TAS2R1: variants seen among roughly 807,000 people sequenced by gnomAD.
The protein encoded by TAS2R1 is taste 2 receptor member 1.
For synonymous variants in TAS2R1, 141 were observed against 134.2 expected (o/e 1.05, Z -0.35); for missense variants, 370 against 353.4 (o/e 1.05, Z -0.38).
chr5:9,786,681 T>C, the TAS2R1 span, among the ~76,000 whole-genome samples: 3 of 152,334 alleles, frequency 2.0e-5, no homozygotes, highest in South Asian at 2.1e-4. Flanking sequence ...CAGCAGAAGT[T>C]GAGACCCACA....
At chr5:9,856,958 A>G in the TAS2R1 span, among the ~76,000 whole-genome samples, 1 of 152,254 alleles carries the variant, frequency 6.6e-6, no homozygotes, top group Non-Finnish European at 1.5e-5. Context: ...AGCCATAAAA[A>G]GGATAAAATC....
the TAS2R1 span, among the ~76,000 whole-genome samples, chr5:9,886,466 G>A: frequency 6.6e-6 from 1 of 150,766 alleles, no homozygotes; most frequent in African/African-American, 2.4e-5. Flanking sequence ...CTAGTAGCTA[G>A]GATTACAGTT....
chr5:9,801,271 A>G, the TAS2R1 span, among the ~76,000 whole-genome samples: 1 of 152,246 alleles, frequency 6.6e-6, no homozygotes, highest in Non-Finnish European at 1.5e-5. Context: ...CCATTACCAG[A>G]ACCTGAACAT....
the TAS2R1 span, among the ~76,000 whole-genome samples, chr5:9,848,434 T>G: frequency 1.3e-5 from 2 of 152,198 alleles, no homozygotes; most frequent in Admixed American, 6.5e-5. Context: ...GTTTAATGCT[T>G]GTTGTTATAC....
intron 1 of TAS2R1, among the ~76,000 whole-genome samples, chr5:9,666,935 G>A (rs76955408): frequency 0.016 from 2,486 of 152,112 alleles, 68 homozygotes; most frequent in African/African-American, 0.057. Flanking sequence ...ACACAGAAAA[G>A]TAGAGATAGC....
the TAS2R1 span, among the ~76,000 whole-genome samples, chr5:9,820,026 C>T: frequency 6.6e-6 from 1 of 152,098 alleles, no homozygotes; most frequent in South Asian, 2.1e-4. Context: ...CTTTGCCATG[C>T]CTCAACCTCA....
chr5:9,808,050 G>T, the TAS2R1 span, among the ~76,000 whole-genome samples: 2 of 152,168 alleles, frequency 1.3e-5, no homozygotes, highest in African/African-American at 4.8e-5. Context: ...ATTAGGTAGA[G>T]ACTGACAGAG....
the TAS2R1 span, chr5:9,765,546 C>T: frequency 6.6e-6 from 1 of 151,982 alleles, no homozygotes; most frequent in Non-Finnish European, 1.5e-5. Context: ...AATTCAATTG[C>T]TGCTTCTCCA....
At chr5:9,891,223 A>G in the TAS2R1 span, among the ~76,000 whole-genome samples, 37 of 152,192 alleles carry the variant, frequency 2.4e-4, no homozygotes, top group African/African-American at 8.9e-4. Flanking sequence ...CAGACTGAAT[A>G]CAGAAGCAGA....
chr5:9,713,028 C>G (rs1734722430), upstream of TAS2R1: 1 of 152,224 alleles, frequency 6.6e-6, no homozygotes, highest in African/African-American at 2.4e-5. Flanking sequence ...CCCATCCCCC[C>G]AGCAATGCAT....
the TAS2R1 span, among the ~76,000 whole-genome samples, chr5:9,826,487 T>G: frequency 6.6e-6 from 1 of 152,224 alleles, no homozygotes; most frequent in Non-Finnish European, 1.5e-5. Flanking sequence ...TGGTTTCTTA[T>G]TTATTCTTGC....
the TAS2R1 span, among the ~76,000 whole-genome samples, chr5:9,827,113 C>A: frequency 1.3e-5 from 2 of 152,202 alleles, no homozygotes; most frequent in Non-Finnish European, 2.9e-5. Context: ...ACAGACACAA[C>A]ATTTTCAACA....
chr5:9,827,306 T>C, the TAS2R1 span, among the ~76,000 whole-genome samples: 249 of 152,292 alleles, frequency 1.6e-3, no homozygotes, highest in African/African-American at 5.7e-3. Flanking sequence ...ACGACATCGC[T>C]GTACATCCAT....
chr5:9,818,854 C>T, the TAS2R1 span, among the ~76,000 whole-genome samples: 110 of 152,258 alleles, frequency 7.2e-4, no homozygotes, highest in East Asian at 0.019. Context: ...AGCAACCTAC[C>T]GCCACACAGC....
chr5:9,698,902 C>T lies in TAS2R1; in HGVS notation c.-242+13270G>A, dbSNP rs138983941. ...GTGTGTGTTTTAGATTAATCTTTCC[C>T]AATATTTTATACAGCATATAAAGCA... On this transcript the variant is annotated intron_variant, in intron 1 of 2. Coordinates refer to the TAS2R1 transcript ENST00000506620. 2.8e-4 allele frequency among the ~76,000 whole-genome samples: 43 copies of T among 152,196 alleles called. 1 individual carries two copies. The East Asian group carries it at 8.1e-3, about 29-fold the overall frequency.
intron 1 of TAS2R1, among the ~76,000 whole-genome samples, chr5:9,692,110 C>T (rs1741257752): frequency 6.6e-6 from 1 of 152,144 alleles, no homozygotes; most frequent in South Asian, 2.1e-4. Flanking sequence ...ATCTCATGCT[C>T]ACTCCAGCTC....
chr5:9,686,974 AT>A (rs1274140354), intron 1 of TAS2R1, among the ~76,000 whole-genome samples: 1 of 151,796 alleles, frequency 6.6e-6, no homozygotes, highest in Non-Finnish European at 1.5e-5. Flanking sequence ...TTATTTATTC[AT>A]TTTTTTGAGA....
At chr5:9,665,814 G>T (rs1285076922) in intron 1 of TAS2R1, among the ~76,000 whole-genome samples, 1 of 152,224 alleles carries the variant, frequency 6.6e-6, no homozygotes, top group Non-Finnish European at 1.5e-5. Flanking sequence ...AAAAGTAAAG[G>T]AACATAAGGC....
the TAS2R1 span, among the ~76,000 whole-genome samples, chr5:9,879,969 C>G: frequency 6.6e-6 from 1 of 152,056 alleles, no homozygotes; most frequent in Non-Finnish European, 1.5e-5. Flanking sequence ...AGAGATGTTC[C>G]CCTGCAGGGT....
Sources: allele counts gnomAD v4.1 joint callset (sites outside exome capture counted in the v4.1 genomes callset), GRCh38; gene constraint gnomAD v4.1.1; transcripts MANE v1.5; gene names NCBI Gene and HGNC (gene_info 2026-07-23, HGNC 2026-07-21).